Variants in ESRRG observed in about 807,000 individuals in gnomAD.
ESRRG encodes the protein estrogen related receptor gamma.
In ESRRG, 13 loss-of-function variants were observed where a neutral mutation model predicts 44.0. The ratio of observed to expected loss-of-function variants is 0.30; its 90% CI spans 0.19 to 0.47. The LOEUF (loss-of-function observed/expected upper bound fraction) is 0.47. Ranked by LOEUF, ESRRG falls within the 20% of genes least tolerant of loss-of-function variation. The pLI, the probability that ESRRG is intolerant of heterozygous loss-of-function variation, is 1.00. For synonymous variants in ESRRG, 215 were observed against 214.6 expected (o/e 1.00, Z -0.02); for missense variants, 395 against 580.6 (o/e 0.68, Z 3.29).
At chr1:216,669,110 A>G (rs536841197) in intron 2 of ESRRG, among the ~76,000 whole-genome samples, 59 of 151,902 alleles carry the variant, frequency 3.9e-4, no homozygotes, top group African/African-American at 1.3e-3. Context: ...CTTAAAAAAA[A>G]AACAAAACAA....
intron 5 of ESRRG, among the ~76,000 whole-genome samples, chr1:216,563,996 T>C (rs1180800443): frequency 6.6e-6 from 1 of 152,156 alleles, no homozygotes; most frequent in African/African-American, 2.4e-5. Context: ...GTAGTACCTG[T>C]ACATATGAAA....
intron 2 of ESRRG, among the ~76,000 whole-genome samples, chr1:216,675,593 C>A (rs2075966140): frequency 6.6e-6 from 1 of 152,158 alleles, no homozygotes; most frequent in East Asian, 1.9e-4. Context: ...AGTGGTGAAT[C>A]AGCAGTAGCA....
Position 216,651,049 on chromosome 1 carries a change from T to C in ESRRG, c.513A>G (p.Glu171=), listed in dbSNP as rs770343589. 18 of 1,613,394 alleles carry C rather than the reference T, an allele frequency of 1.1e-5. No homozygotes were observed. Among genetic ancestry groups the C allele is most frequent in the Admixed American group, 1.7e-5 (1 of 59,970 alleles). The stretch of plus-strand genomic sequence containing the variant: ...AGGATTTACGTCTGCGCTTTGTGAT[T>C]TCACATTCATTCGTGGCAGGGCAGC... The part of the protein sequence containing the change: ...EYSCPATNEC[E]ITKRRRKSCQ... Residue 171 remains glutamate (E), a synonymous_variant, in exon 3 of 7, where the codon GAA becomes GAG. Coordinates refer to ENST00000408911, the MANE Select transcript of ESRRG (RefSeq NM_001438.4).
chr1:216,682,709 AGTGTGTGTGTGTGT>A (rs72420221), intron 1 of ESRRG, among the ~76,000 whole-genome samples: 1 of 144,760 alleles, frequency 6.9e-6, no homozygotes, highest in East Asian at 2.0e-4. Context: ...AATACTCTAT[AGTGTGTGTGTGTGT>A]GTGTGTGTGT....
rs999572291 is a variant in ESRRG at position 216,627,285 on chromosome 1, G to A, written c.589+23688C>T. On this transcript the variant is annotated intron_variant, in intron 3 of 6. Coordinates refer to ENST00000408911, the MANE Select transcript of ESRRG (RefSeq NM_001438.4). ...ATTTTTTAAAATGTATAAATTTCCT[G>A]GTCACTCAATCCTTTCTCTTTTACC... 9.2e-5 allele frequency among the ~76,000 whole-genome samples: 14 copies of A among 152,212 alleles called. No homozygotes were observed. In the South Asian group the frequency reaches 2.7e-3, roughly 29 times the overall value.
intron 2 of ESRRG, among the ~76,000 whole-genome samples, chr1:216,875,170 G>A (rs550563933): frequency 9.9e-5 from 15 of 152,116 alleles, no homozygotes; most frequent in African/African-American, 3.4e-4. Context: ...TCTTCCTCTA[G>A]AGAACCCTAA....
At chr1:216,536,294 T>A (rs1400000933) in intron 5 of ESRRG, among the ~76,000 whole-genome samples, 2 of 152,076 alleles carry the variant, frequency 1.3e-5, no homozygotes, top group East Asian at 3.9e-4. Flanking sequence ...CATCAAAATG[T>A]CTCATTGGCA....
intron 1 of ESRRG, among the ~76,000 whole-genome samples, chr1:217,047,188 T>C (rs34904258): frequency 0.15 from 23,559 of 152,010 alleles, 2,372 homozygotes; most frequent in East Asian, 0.21. Flanking sequence ...TTAATACCCA[T>C]CTACCAACTT....
At position 217,024,603 on chromosome 1, in the gene ESRRG, T is replaced by C. The variant is rs575024506; in HGVS notation, c.-106+64904A>G. 1.8e-4 allele frequency among the ~76,000 whole-genome samples: 28 copies of C among 152,312 alleles called. No homozygotes were observed. The South Asian group carries it at 5.2e-3, about 28-fold the overall frequency. ...ATGCAATTATTCTTTTCTTAATTCTTAATCTCTATTTTTTCCTCTCCACCC... is the reference window on the plus strand; with the variant it reads ...ATGCAATTATTCTTTTCTTAATTCTCAATCTCTATTTTTTCCTCTCCACCC... On this transcript the variant is annotated intron_variant, in intron 1 of 7. Coordinates refer to the ESRRG transcript ENST00000359162.
rs147260750 is a variant in ESRRG at position 217,113,688 on chromosome 1, C to T, written c.-230+23979G>A. 4.7e-3 allele frequency among the ~76,000 whole-genome samples: 711 copies of T among 152,180 alleles called. 38 individuals are homozygous for T. In the South Asian group the frequency reaches 0.11, roughly 23 times the overall value. On this transcript the variant is annotated intron_variant, in intron 1 of 8. Coordinates refer to the ESRRG transcript ENST00000366940. Reference sequence around the variant, plus strand: ...AAAGGTGTCTACAAACATTTTGTTACTCCTCCCTTTAAGAATCTGGGCCAG... The same window carrying T: ...AAAGGTGTCTACAAACATTTTGTTATTCCTCCCTTTAAGAATCTGGGCCAG...
At chr1:216,675,309 G>A (rs989701686) in intron 2 of ESRRG, among the ~76,000 whole-genome samples, 3 of 151,812 alleles carry the variant, frequency 2.0e-5, no homozygotes, top group Non-Finnish European at 4.4e-5. Flanking sequence ...GCAGTGAGCC[G>A]AGATCATGCC....
chr1:217,070,816 T>C (rs187869023), intron 1 of ESRRG, among the ~76,000 whole-genome samples: 23 of 152,328 alleles, frequency 1.5e-4, no homozygotes, highest in Middle Eastern at 3.4e-3. Flanking sequence ...GATAGCAAAA[T>C]AGAGTAGAAG....
chr1:216,566,007 A>G (rs1206491932), intron 4 of ESRRG, among the ~76,000 whole-genome samples: 4 of 152,014 alleles, frequency 2.6e-5, no homozygotes, highest in Admixed American at 2.0e-4. Flanking sequence ...TACAGGGAAC[A>G]TAGCACTGGC....
chr1:216,720,488 A>C (rs2152059674), intron 1 of ESRRG, among the ~76,000 whole-genome samples: 1 of 152,260 alleles, frequency 6.6e-6, no homozygotes, highest in East Asian at 1.9e-4. Flanking sequence ...GAGTTCTCAA[A>C]TAATATCACA....
chr1:216,912,984 G>A (rs571257244), intron 2 of ESRRG, among the ~76,000 whole-genome samples: 5 of 151,730 alleles, frequency 3.3e-5, no homozygotes, highest in South Asian at 2.1e-4. Flanking sequence ...TTAGCTGGGC[G>A]TGGTGACATA....
intron 5 of ESRRG, among the ~76,000 whole-genome samples, chr1:216,523,424 G>A (rs12135662): frequency 0.27 from 40,857 of 151,490 alleles, 7,040 homozygotes; most frequent in East Asian, 0.56. Context: ...TGTGCCAACC[G>A]TCTTGCCTTC....
intron 6 of ESRRG, among the ~76,000 whole-genome samples, chr1:216,516,809 T>C (rs962753184): frequency 1.3e-5 from 2 of 152,114 alleles, no homozygotes; most frequent in African/African-American, 2.4e-5. Context: ...ACATTCAATC[T>C]TGGATCTATA....
intron 2 of ESRRG, among the ~76,000 whole-genome samples, chr1:216,886,990 G>T (rs114912071): frequency 2.0e-5 from 3 of 152,016 alleles, no homozygotes; most frequent in African/African-American, 7.3e-5. Context: ...CACCCGCCTC[G>T]GTCTCCCAAA....
intron 1 of ESRRG, among the ~76,000 whole-genome samples, chr1:217,028,905 C>T (rs889693851): frequency 3.9e-5 from 6 of 152,126 alleles, no homozygotes; most frequent in Admixed American, 3.3e-4. Context: ...ACCTTATGCC[C>T]CTGCTTTCTG....
Sources: gnomAD v4.1 joint callset for allele counts (sites outside exome capture counted in the v4.1 genomes callset) on GRCh38, gnomAD v4.1.1 for gene constraint, MANE v1.5 for transcripts, NCBI Gene and HGNC (gene_info 2026-07-23, HGNC 2026-07-21) for gene names.